The following MAGI2 variants were observed in gnomAD, a reference collection of about 807,000 sequenced individuals.
The protein encoded by MAGI2 is membrane associated guanylate kinase, WW and PDZ domain containing 2, also known as membrane-associated guanylate kinase, WW and PDZ domain-containing protein 2.
Under a neutral mutation model 133.3 loss-of-function variants are expected in MAGI2, and 35 were observed. That is an observed-to-expected ratio of 0.26 (90% CI 0.20 to 0.35). The LOEUF is 0.35. Ranked by LOEUF, MAGI2 falls within the 10% of genes least tolerant of loss-of-function variation. The pLI is 1.00. For missense variants in MAGI2, 1,636 were observed against 1,863.4 expected (o/e 0.88, Z 2.25); for synonymous variants, 729 against 710.6 (o/e 1.03, Z -0.41).
Position 78,642,007 on chromosome 7 carries a change from G to C in MAGI2, c.419-14768C>G, listed in dbSNP as rs115128020. Among the ~76,000 whole-genome samples, 1,154 of 152,000 alleles carry C rather than the reference G, an allele frequency of 7.6e-3. 14 individuals are homozygous for C. The highest frequency in any genetic ancestry group is 0.025 in the African/African-American group (1,046 of 41,448). On this transcript the variant is annotated intron_variant, in intron 2 of 21. Coordinates refer to ENST00000354212, the MANE Select transcript of MAGI2 (RefSeq NM_012301.4). Reference sequence around the variant, plus strand: ...CTTGTTGACCTTGCTTCCATTTTAGGGTATAATTATATAAGCAAATCTTCT... The same window carrying C: ...CTTGTTGACCTTGCTTCCATTTTAGCGTATAATTATATAAGCAAATCTTCT...
chr7:79,115,434 A>G (rs1313771602), intron 1 of MAGI2, among the ~76,000 whole-genome samples: 1 of 152,214 alleles, frequency 6.6e-6, no homozygotes, highest in African/African-American at 2.4e-5. Flanking sequence ...CCTATCAATT[A>G]ACTGTCTTAA....
At chr7:79,334,797 T>G (rs572136781) in intron 1 of MAGI2, among the ~76,000 whole-genome samples, 1 of 152,288 alleles carries the variant, frequency 6.6e-6, no homozygotes, top group Admixed American at 6.5e-5. Flanking sequence ...GATGACATAG[T>G]CTGTCCTCAA....
intron 1 of MAGI2, among the ~76,000 whole-genome samples, chr7:79,284,510 T>G (rs972227489): frequency 6.6e-6 from 1 of 152,144 alleles, no homozygotes. Context: ...ATCCTCCTAC[T>G]CATGACTTAT....
chr7:78,591,087 G>A (rs1384063304), intron 3 of MAGI2, among the ~76,000 whole-genome samples: 1 of 152,102 alleles, frequency 6.6e-6, no homozygotes, highest in Non-Finnish European at 1.5e-5. Flanking sequence ...ACTCCAAAGA[G>A]ATTATGGTCT....
intron 2 of MAGI2, among the ~76,000 whole-genome samples, chr7:78,638,532 A>T (rs1584929121): frequency 6.6e-6 from 1 of 152,356 alleles, no homozygotes; most frequent in East Asian, 1.9e-4. Flanking sequence ...ACTTGGATGC[A>T]GAGACATAAA....
In MAGI2 at chr7:78,109,335, GAAAAAAGAAAA is replaced by G. The variant is rs1819102409; in HGVS notation, c.3567+16348_3567+16358del. 1.5e-4 allele frequency among the ~76,000 whole-genome samples: 8 copies of G among 52,910 alleles called. No homozygotes were observed. The Admixed American group carries it at 1.6e-3, about 10-fold the overall frequency. 34.7% of individuals were successfully genotyped at this position (52,910 alleles called of 152,430 possible). ...AAAAAAAAAAAAAAAAAAAAAAAAA[GAAAAAAGAAAA>G]AAAAAAGAAAATCCTGTGGCTCACG... is the stretch of plus-strand genomic sequence containing the variant. On this transcript the variant is annotated intron_variant, in intron 20 of 21. Transcript: ENST00000354212.
chr7:78,758,040 C>T (rs1161530108), intron 2 of MAGI2, among the ~76,000 whole-genome samples: 2 of 152,164 alleles, frequency 1.3e-5, no homozygotes, highest in Non-Finnish European at 2.9e-5. Context: ...TCTCACTTCT[C>T]TTAACACTTG....
intron 1 of MAGI2, among the ~76,000 whole-genome samples, chr7:79,028,178 C>CT: frequency 6.9e-6 from 1 of 144,588 alleles, no homozygotes; most frequent in African/African-American, 2.6e-5. Flanking sequence ...CTCCACTGCA[C>CT]TCCAGCCTGG....
intron 3 of MAGI2, among the ~76,000 whole-genome samples, chr7:78,526,689 A>G (rs1379220555): frequency 3.3e-5 from 5 of 152,306 alleles, no homozygotes; most frequent in Middle Eastern, 3.4e-3. Flanking sequence ...GAAAATGTGG[A>G]ACAGGATGAA....
chr7:78,861,080 A>G (rs1371331912), intron 2 of MAGI2, among the ~76,000 whole-genome samples: 4 of 152,142 alleles, frequency 2.6e-5, no homozygotes, highest in Non-Finnish European at 4.4e-5. Flanking sequence ...GCCGTTTGCT[A>G]AGGCCATTGG....
At position 78,057,995 on chromosome 7, in the gene MAGI2, A is replaced by ATGTGTGTGTGTGTGTGTGTGTGTGTG. The variant is rs1232878816; in HGVS notation, c.3706+20951_3706+20952insCACACACACACACACACACACACACA. 1.7e-3 allele frequency among the ~76,000 whole-genome samples: 53 copies of ATGTGTGTGTGTGTGTGTGTGTGTGTG among 30,388 alleles called. 4 individuals carry two copies. Among genetic ancestry groups the ATGTGTGTGTGTGTGTGTGTGTGTGTG allele is most frequent in the African/African-American group, 2.8e-3 (15 of 5,450 alleles). The allele number at this position is 30,388 out of a possible 152,430, so 19.9% of individuals were successfully genotyped here. ...TATATGTGTATATATATATATATATATATATATATGTATGAGAAACATCTT... is the reference window on the plus strand; with the variant it reads ...TATATGTGTATATATATATATATATATGTGTGTGTGTGTGTGTGTGTGTGTGTATATATATGTATGAGAAACATCTT... On this transcript the variant is annotated intron_variant, in intron 21 of 21. Coordinates refer to ENST00000354212, the MANE Select transcript of MAGI2 (RefSeq NM_012301.4).
chr7:78,131,782 A>C (rs1220843539), intron 18 of MAGI2, among the ~76,000 whole-genome samples: 1 of 152,220 alleles, frequency 6.6e-6, no homozygotes, highest in Non-Finnish European at 1.5e-5. Flanking sequence ...TCATTAGTCT[A>C]TGATGCCTAT....
At chr7:79,076,388 T>C (rs1815466071) in intron 1 of MAGI2, among the ~76,000 whole-genome samples, 3 of 152,240 alleles carry the variant, frequency 2.0e-5, no homozygotes, top group Non-Finnish European at 4.4e-5. Context: ...TTTCAAATGA[T>C]GTTAGCAAAA....
At chr7:78,362,609 C>T (rs913472553) in intron 7 of MAGI2, among the ~76,000 whole-genome samples, 2 of 152,066 alleles carry the variant, frequency 1.3e-5, no homozygotes, top group Non-Finnish European at 2.9e-5. Flanking sequence ...TAAAATCAGC[C>T]TGAGTCAGCT....
At chr7:79,280,973 A>G (rs2129557956) in intron 1 of MAGI2, among the ~76,000 whole-genome samples, 1 of 132,774 alleles carries the variant, frequency 7.5e-6, no homozygotes, top group South Asian at 2.4e-4. Context: ...AAAGAATGAT[A>G]TAAGGTTTGC....
At chr7:79,171,611 A>T (rs1825551645) in intron 1 of MAGI2, among the ~76,000 whole-genome samples, 1 of 150,572 alleles carries the variant, frequency 6.6e-6, no homozygotes, top group Non-Finnish European at 1.5e-5. Context: ...AATGTAAGAA[A>T]TATATACTCT....
chr7:78,592,810 C>T (rs1159050316), intron 3 of MAGI2, among the ~76,000 whole-genome samples: 3 of 143,016 alleles, frequency 2.1e-5, no homozygotes, highest in Non-Finnish European at 4.5e-5. Context: ...GCATGCCCTC[C>T]GAAAAATTAC....
At chr7:78,902,353 C>CA (rs1797673126) in intron 2 of MAGI2, 1 of 152,106 alleles carries the variant, frequency 6.6e-6, no homozygotes, top group Admixed American at 6.6e-5. Flanking sequence ...TACCTCATGA[C>CA]AGTCTATCAC....
intron 2 of MAGI2, among the ~76,000 whole-genome samples, chr7:78,975,018 T>C (rs1804121811): frequency 1.3e-5 from 2 of 151,354 alleles, no homozygotes; most frequent in South Asian, 2.1e-4. Context: ...CCAAAGGCCA[T>C]CAAAATATAT....
Sources: allele counts gnomAD v4.1 joint callset (sites outside exome capture counted in the v4.1 genomes callset), GRCh38; gene constraint gnomAD v4.1.1; transcripts MANE v1.5; gene names NCBI Gene and HGNC (gene_info 2026-07-23, HGNC 2026-07-21).